Variants in MTDH observed in about 807,000 individuals in gnomAD.
MTDH encodes the protein metadherin.
Under a neutral mutation model 72.7 loss-of-function variants are expected in MTDH, and 34 were observed. The ratio of observed to expected loss-of-function variants is 0.47; its 90% CI spans 0.36 to 0.62. MTDH has a LOEUF of 0.62. Among genes scored for constraint, MTDH ranks in the 20% least tolerant of loss-of-function variants. The pLI is 0.00. For synonymous variants in MTDH, 266 were observed against 268.9 expected, an observed-to-expected ratio of 0.99 and a Z score of 0.10; for missense variants, 677 against 699.4, an observed-to-expected ratio of 0.97 and a Z score of 0.36.
intron 1 of MTDH, 137 bp downstream of exon 1, chr8:97,645,024 A>G (rs1586192100): frequency 1.0e-6 from 1 of 986,468 alleles, no homozygotes; most frequent in Non-Finnish European, 1.4e-6. Flanking sequence ...TCCCAAGTGG[A>G]GGAGGAGGTG....
In MTDH at chr8:97,725,708, T is replaced by C. The variant is rs1815325434; in HGVS notation, c.*1038T>C. On this transcript the variant is annotated 3_prime_UTR_variant, in exon 12 of 12. Coordinates refer to ENST00000336273, the MANE Select transcript of MTDH (RefSeq NM_178812.4). ...TTCTTGAAGGAGATTCATGTTTTTATAAGAATTTTCATGTAATTATTGCAA... is the reference window on the plus strand; with the variant it reads ...TTCTTGAAGGAGATTCATGTTTTTACAAGAATTTTCATGTAATTATTGCAA... The C allele has an allele frequency of 6.6e-6, 1 of 152,652 alleles. No homozygotes were observed. Among genetic ancestry groups the C allele is most frequent in the Non-Finnish European group, 1.5e-5 (1 of 68,036 alleles). 9.5% of individuals were successfully genotyped at this position (152,652 alleles called of 1,614,324 possible). A position where few individuals can be genotyped will look rare whatever the true frequency, so the allele number is the denominator to read the frequency against.
intron 6 of MTDH, among the ~76,000 whole-genome samples, chr8:97,699,527 CAT>C (rs1364236901): frequency 1.3e-5 from 2 of 151,882 alleles, no homozygotes; most frequent in East Asian, 3.9e-4. Context: ...CTAGGGAAAA[CAT>C]AGATTTCTGA....
chr8:97,673,069 A>G (rs1487095448), intron 2 of MTDH, among the ~76,000 whole-genome samples: 1 of 152,226 alleles, frequency 6.6e-6, no homozygotes, highest in Non-Finnish European at 1.5e-5. Flanking sequence ...TTGGTTACTC[A>G]TAAATTAACT....
At position 97,728,349 on chromosome 8, in the gene MTDH, T is replaced by C. The variant is rs1212148983; in HGVS notation, c.*3679T>C. ...TCTTAAGCTAGACTAAACTTTTTGT[T>C]GTTGTTTTCCTAAAACCATAGGTGC... On this transcript the variant is annotated 3_prime_UTR_variant, in exon 12 of 12. Transcript: ENST00000336273. 1 of 152,234 alleles carries C rather than the reference T, an allele frequency of 6.6e-6. No individual in the cohort carries two copies. Among genetic ancestry groups the C allele is most frequent in the African/African-American group, 2.4e-5 (1 of 41,472 alleles). 9.4% of individuals were successfully genotyped at this position (152,234 alleles called of 1,614,324 possible). A position where few individuals can be genotyped will look rare whatever the true frequency, so the allele number is the denominator to read the frequency against.
chr8:97,668,103 C>T (rs1398460413), intron 2 of MTDH, among the ~76,000 whole-genome samples: 12 of 152,080 alleles, frequency 7.9e-5, no homozygotes, highest in Admixed American at 6.6e-4. Context: ...CTGGCTAACA[C>T]GGTGAAACCC....
chr8:97,672,741 G>A (rs1032373748), intron 2 of MTDH, among the ~76,000 whole-genome samples: 1 of 152,190 alleles, frequency 6.6e-6, no homozygotes, highest in Non-Finnish European at 1.5e-5. Context: ...GCGAGAATGG[G>A]ATCTCATACT....
chr8:97,660,804 C>T (rs540361615), intron 1 of MTDH, among the ~76,000 whole-genome samples: 152 of 152,028 alleles, frequency 1.0e-3, no homozygotes, highest in African/African-American at 3.6e-3. Context: ...TAACTGCTTC[C>T]ATTCCATTAT....
rs781584350 is a variant in MTDH at position 97,726,224 on chromosome 8, A to G, written c.*1554A>G. Reference sequence around the variant, plus strand: ...TTTATCAGGTGTTAACATCTGTTTCAGGAACATGGCAGTATGTTTACATGT... The same window carrying G: ...TTTATCAGGTGTTAACATCTGTTTCGGGAACATGGCAGTATGTTTACATGT... On this transcript the variant is annotated 3_prime_UTR_variant, in exon 12 of 12. Transcript: ENST00000336273. 1.3e-5 allele frequency: 2 copies of G among 152,694 alleles called. No homozygotes were observed. The highest frequency in any genetic ancestry group is 2.9e-5 in the Non-Finnish European group (2 of 68,042). The allele number at this position is 152,694 out of a possible 1,614,324, so 9.5% of individuals were successfully genotyped here. A position where few individuals can be genotyped will look rare whatever the true frequency, so the allele number is the denominator to read the frequency against.
chr8:97,668,837 G>A lies in MTDH; in HGVS notation c.483+7664G>A, dbSNP rs146649759. On this transcript the variant is annotated intron_variant, in intron 2 of 11. Coordinates refer to ENST00000336273, the MANE Select transcript of MTDH (RefSeq NM_178812.4). ...CCCAAAGTGCTGGGATTACAGGCAT[G>A]AGCCACCGCGCCCGGCCATGTAACA... is the stretch of plus-strand genomic sequence containing the variant. Among the ~76,000 whole-genome samples the A allele has an allele frequency of 5.4e-3, 818 of 152,160 alleles. 5 individuals carry two copies. The highest frequency in any genetic ancestry group is 0.017 in the African/African-American group (724 of 41,532).
chr8:97,724,025 C>T (rs1815255719), intron 11 of MTDH, among the ~76,000 whole-genome samples: 1 of 152,164 alleles, frequency 6.6e-6, no homozygotes, highest in Admixed American at 6.6e-5. Context: ...AGGAGAATCG[C>T]TTGAACGCGG....
intron 2 of MTDH, among the ~76,000 whole-genome samples, chr8:97,673,626 C>G (rs1238198160): frequency 1.3e-5 from 2 of 151,044 alleles, no homozygotes; most frequent in African/African-American, 4.9e-5. Context: ...CGCTGTTGCA[C>G]TCCAGCCTGG....
chr8:97,648,305 C>G (rs1050986632), intron 1 of MTDH, among the ~76,000 whole-genome samples: 16 of 150,982 alleles, frequency 1.1e-4, no homozygotes, highest in Admixed American at 7.3e-4. Flanking sequence ...AAATTATTAT[C>G]TTGTATGTAT....
chr8:97,678,198 T>C (rs759754078), intron 2 of MTDH, among the ~76,000 whole-genome samples: 9 of 152,222 alleles, frequency 5.9e-5, no homozygotes, highest in Admixed American at 3.9e-4. Context: ...CACAAAGATA[T>C]ATTCTCAACT....
At chr8:97,654,704 T>G (rs975295798) in intron 1 of MTDH, among the ~76,000 whole-genome samples, 2 of 152,196 alleles carry the variant, frequency 1.3e-5, no homozygotes, top group Non-Finnish European at 2.9e-5. Flanking sequence ...GGTATTTGTC[T>G]TAATGCTCTC....
intron 1 of MTDH, 32 bp from the exon 2 acceptor site, chr8:97,661,040 T>G (rs759167533): frequency 1.9e-6 from 3 of 1,562,648 alleles, no homozygotes; most frequent in African/African-American, 2.7e-5. Flanking sequence ...CTAAGCAGTT[T>G]GATAATATGA....
intron 1 of MTDH, among the ~76,000 whole-genome samples, chr8:97,645,354 G>T (rs549205296): frequency 6.7e-4 from 102 of 152,320 alleles, no homozygotes; most frequent in African/African-American, 2.3e-3. Flanking sequence ...CGGTGACCTA[G>T]AAATTCTGGG....
rs148038558 is a variant in MTDH at position 97,645,376 on chromosome 8, A to G, written c.381+489A>G. ...CTAGAAATTCTGGGGCTTACACAGGATTAAAGGTGTCCAGGTCTAGACGCG... is the reference window on the plus strand; with the variant it reads ...CTAGAAATTCTGGGGCTTACACAGGGTTAAAGGTGTCCAGGTCTAGACGCG... On this transcript the variant is annotated intron_variant, in intron 1 of 11. Transcript: ENST00000336273. Among the ~76,000 whole-genome samples, 8 of 152,310 alleles carry G rather than the reference A, an allele frequency of 5.3e-5. No homozygotes were observed. In the East Asian group the frequency reaches 1.2e-3, roughly 22 times the overall value.
At chr8:97,671,931 T>C (rs1013790675) in intron 2 of MTDH, among the ~76,000 whole-genome samples, 1 of 152,184 alleles carries the variant, frequency 6.6e-6, no homozygotes, top group Admixed American at 6.5e-5. Context: ...GTTTGAGAAT[T>C]GCTCTGGGAG....
At chr8:97,677,820 A>G (rs187415663) in intron 2 of MTDH, among the ~76,000 whole-genome samples, 131 of 152,316 alleles carry the variant, frequency 8.6e-4, no homozygotes, top group African/African-American at 2.9e-3. Context: ...GTATTTATTT[A>G]TGCATTATTC....
Sources: allele counts gnomAD v4.1 joint callset (sites outside exome capture counted in the v4.1 genomes callset), GRCh38; gene constraint gnomAD v4.1.1; transcripts MANE v1.5; gene names NCBI Gene and HGNC (gene_info 2026-07-23, HGNC 2026-07-21).